Variants in DPYSL5 observed in about 807,000 individuals in gnomAD.
DPYSL5 encodes the protein dihydropyrimidinase like 5, also known as dihydropyrimidinase-related protein 5.
DPYSL5 carries 9 observed loss-of-function variants against 58.4 expected under a neutral mutation model. The ratio of observed to expected loss-of-function variants is 0.15; its 90% CI spans 0.09 to 0.27. The LOEUF is 0.27. Among genes scored for constraint, DPYSL5 ranks in the 10% least tolerant of loss-of-function variants. The probability of loss-of-function intolerance (pLI) is 1.00; values close to 1 mark genes in which losing one functional copy is unlikely to be tolerated. For missense variants in DPYSL5, 499 were observed against 770.6 expected, an observed-to-expected ratio of 0.65 and a Z score of 4.17; for synonymous variants, 293 against 301.9, an observed-to-expected ratio of 0.97 and a Z score of 0.31.
chr2:26,882,413 T>A (rs1663593312), intron 1 of DPYSL5, among the ~76,000 whole-genome samples: 2 of 138,660 alleles, frequency 1.4e-5, no homozygotes, highest in Non-Finnish European at 3.1e-5. Context: ...GCCCAGCTTA[T>A]TGTGTGTGTG....
intron 5 of DPYSL5, among the ~76,000 whole-genome samples, chr2:26,929,939 C>T (rs764416953): frequency 2.6e-5 from 4 of 152,212 alleles, no homozygotes; most frequent in East Asian, 1.9e-4. Context: ...AGAAACTTCT[C>T]ATTTCTTCAA....
intron 5 of DPYSL5, among the ~76,000 whole-genome samples, chr2:26,929,829 CT>C (rs972693734): frequency 5.9e-5 from 9 of 152,358 alleles, no homozygotes; most frequent in Admixed American, 4.6e-4. Context: ...TACAGTCCCC[CT>C]GCTAAAGAAT....
At chr2:26,928,442 T>G in intron 5 of DPYSL5, 119 bp downstream of exon 5, 1 of 1,149,518 alleles carries the variant, frequency 8.7e-7, no homozygotes, top group South Asian at 1.4e-5. Flanking sequence ...ATGTCTGTAA[T>G]CCCAACATTT....
intron 2 of DPYSL5, among the ~76,000 whole-genome samples, chr2:26,919,615 T>G (rs905402407): frequency 1.2e-4 from 19 of 152,204 alleles, no homozygotes; most frequent in Non-Finnish European, 2.2e-4. Flanking sequence ...GCTGGACAGA[T>G]TTTTTTAAAC....
chr2:26,938,164 C>A (rs1304371092), intron 8 of DPYSL5, among the ~76,000 whole-genome samples: 1 of 152,160 alleles, frequency 6.6e-6, no homozygotes, highest in Non-Finnish European at 1.5e-5. Flanking sequence ...CTCAGAGGGC[C>A]TCCTAGAATG....
intron 1 of DPYSL5, among the ~76,000 whole-genome samples, chr2:26,879,461 A>G (rs899233631): frequency 1.7e-4 from 14 of 82,982 alleles, no homozygotes; most frequent in East Asian, 3.3e-4. Flanking sequence ...TCTCTATTTG[A>G]AAAAAAAAAA....
intron 1 of DPYSL5, among the ~76,000 whole-genome samples, chr2:26,886,708 G>C (rs1455814509): frequency 3.3e-5 from 5 of 151,990 alleles, no homozygotes; most frequent in Non-Finnish European, 7.4e-5. Flanking sequence ...ACTCCCCTTT[G>C]GTTTTTGTGT....
chr2:26,872,755 G>A (rs1360197699), intron 1 of DPYSL5, among the ~76,000 whole-genome samples: 1 of 151,410 alleles, frequency 6.6e-6, no homozygotes, highest in Non-Finnish European at 1.5e-5. Flanking sequence ...AATGGCGTGA[G>A]CCAAGATCAT....
chr2:26,913,893 A>G (rs913249306), intron 2 of DPYSL5, among the ~76,000 whole-genome samples: 1 of 150,910 alleles, frequency 6.6e-6, no homozygotes, highest in Non-Finnish European at 1.5e-5. Context: ...CATAAAAACC[A>G]TGCATGCTTT....
chr2:26,884,046 G>C (rs951081503), intron 1 of DPYSL5, among the ~76,000 whole-genome samples: 1 of 152,188 alleles, frequency 6.6e-6, no homozygotes, highest in African/African-American at 2.4e-5. Context: ...GGAGACCCTT[G>C]AGCTGCAGCT....
intron 1 of DPYSL5, among the ~76,000 whole-genome samples, chr2:26,872,646 T>C (rs1009075763): frequency 6.0e-4 from 91 of 151,814 alleles, no homozygotes; most frequent in African/African-American, 2.1e-3. Context: ...GCCAAGATCA[T>C]GCCACTGTAC....
chr2:26,893,418 G>T (rs964639248), intron 1 of DPYSL5, among the ~76,000 whole-genome samples: 3 of 152,178 alleles, frequency 2.0e-5, no homozygotes, highest in African/African-American at 7.2e-5. Flanking sequence ...AACTTCCCTG[G>T]TGACAGACAA....
In DPYSL5 at chr2:26,945,511, T is replaced by TC. The variant is rs566563128; in HGVS notation, c.1609+695dup. On this transcript the variant is annotated intron_variant, in intron 12 of 12. Coordinates refer to ENST00000288699, the MANE Select transcript of DPYSL5 (RefSeq NM_020134.4). ...CGATCTGCAGTTTCCCGCCCCCCCG[T>TC]CCCCCCCCGCACCCATCACCATGCG... Among the ~76,000 whole-genome samples, 709 of 97,648 alleles carry TC rather than the reference T, an allele frequency of 7.3e-3. 13 individuals are homozygous for TC. The East Asian group carries it at 0.079, about 11-fold the overall frequency. The allele number at this position is 97,648 out of a possible 152,430, so 64.1% of individuals were successfully genotyped here. A position where few individuals can be genotyped will look rare whatever the true frequency, so the allele number is the denominator to read the frequency against.
chr2:26,873,527 A>G (rs1663325437), intron 1 of DPYSL5, among the ~76,000 whole-genome samples: 1 of 152,294 alleles, frequency 6.6e-6, no homozygotes, highest in South Asian at 2.1e-4. Context: ...TCTACAGTGC[A>G]CTGGATAGCT....
intron 2 of DPYSL5, among the ~76,000 whole-genome samples, chr2:26,911,906 T>C (rs1342916404): frequency 2.0e-5 from 3 of 152,226 alleles, no homozygotes; most frequent in African/African-American, 4.8e-5. Flanking sequence ...CTAGACTTAG[T>C]GGCCATCAAA....
At chr2:26,910,143 G>T (rs1241363177) in intron 2 of DPYSL5, among the ~76,000 whole-genome samples, 2 of 152,048 alleles carry the variant, frequency 1.3e-5, no homozygotes, top group Non-Finnish European at 2.9e-5. Flanking sequence ...GGTTTCTTTC[G>T]CTCAGTAGTA....
chr2:26,916,682 C>T (rs1434935615), intron 2 of DPYSL5, among the ~76,000 whole-genome samples: 2 of 152,238 alleles, frequency 1.3e-5, no homozygotes, highest in African/African-American at 4.8e-5. Context: ...TCATGCCTAT[C>T]CACCACTCAC....
chr2:26,881,550 G>A lies in DPYSL5; in HGVS notation c.-4-16946G>A, dbSNP rs150190141. Among the ~76,000 whole-genome samples, 956 of 152,306 alleles carry A rather than the reference G, an allele frequency of 6.3e-3. 6 individuals carry two copies. Among genetic ancestry groups the A allele is most frequent in the Non-Finnish European group, 1.0e-2 (679 of 68,026 alleles). On this transcript the variant is annotated intron_variant, in intron 1 of 12. Coordinates refer to ENST00000288699, the MANE Select transcript of DPYSL5 (RefSeq NM_020134.4). ...GACTGGTGTAAAAATGTCTGTCTCA[G>A]TGATGGAGGTGTCAGGTCCGTAAGA...
intron 2 of DPYSL5, among the ~76,000 whole-genome samples, chr2:26,916,892 T>C (rs570306984): frequency 5.3e-4 from 81 of 152,356 alleles, no homozygotes; most frequent in Non-Finnish European, 1.0e-3. Flanking sequence ...ACATTTCTTC[T>C]TCTGGAGCAT....
Sources: gnomAD v4.1 joint callset for allele counts (sites outside exome capture counted in the v4.1 genomes callset) on GRCh38, gnomAD v4.1.1 for gene constraint, MANE v1.5 for transcripts, NCBI Gene and HGNC (gene_info 2026-07-23, HGNC 2026-07-21) for gene names.